Variants in KCNQ3 observed in about 807,000 individuals in gnomAD.
The protein encoded by KCNQ3 is potassium voltage-gated channel subfamily Q member 3.
Under a neutral mutation model 92.5 loss-of-function variants are expected in KCNQ3, and 30 were observed. The ratio of observed to expected loss-of-function variants is 0.32; its 90% CI spans 0.24 to 0.44. The LOEUF is 0.44. KCNQ3 is among the 20% of genes least tolerant of loss of function. The pLI is 1.00. For missense variants in KCNQ3, 913 were observed against 1,140.3 expected (o/e 0.80, Z 2.87); for synonymous variants, 450 against 468.8 (o/e 0.96, Z 0.52).
At chr8:132,333,329 A>C (rs1387089845) in intron 1 of KCNQ3, among the ~76,000 whole-genome samples, 1 of 152,192 alleles carries the variant, frequency 6.6e-6, no homozygotes, top group East Asian at 1.9e-4. Context: ...AGAGAAAATG[A>C]GCCTAGGTTA....
At chr8:132,418,947 T>C (rs949735490) in intron 1 of KCNQ3, among the ~76,000 whole-genome samples, 3 of 152,168 alleles carry the variant, frequency 2.0e-5, no homozygotes, top group Non-Finnish European at 2.9e-5. Context: ...CCATGTGACG[T>C]AAAGCAAGTC....
At chr8:132,440,383 G>A (rs560526603) in intron 1 of KCNQ3, among the ~76,000 whole-genome samples, 11 of 152,186 alleles carry the variant, frequency 7.2e-5, no homozygotes, top group South Asian at 4.2e-4. Flanking sequence ...AGTATCAGGC[G>A]TCCCCTCATT....
At chr8:132,419,420 C>G (rs1474348278) in intron 1 of KCNQ3, among the ~76,000 whole-genome samples, 2 of 152,212 alleles carry the variant, frequency 1.3e-5, no homozygotes, top group African/African-American at 4.8e-5. Context: ...CATTATCTCC[C>G]TCTGTCTTAC....
intron 1 of KCNQ3, among the ~76,000 whole-genome samples, chr8:132,288,017 G>A (rs893877100): frequency 6.6e-6 from 1 of 152,150 alleles, no homozygotes; most frequent in African/African-American, 2.4e-5. Context: ...GTGAGCTCTA[G>A]AAACCATGAT....
At chr8:132,240,182 CTT>C (rs11342824) in intron 1 of KCNQ3, among the ~76,000 whole-genome samples, 1,393 of 111,800 alleles carry the variant, frequency 0.012, 15 homozygotes, top group African/African-American at 0.042. Flanking sequence ...TGCCATGATT[CTT>C]TTTTTTTTTT....
intron 1 of KCNQ3, among the ~76,000 whole-genome samples, chr8:132,412,614 CT>C (rs1288444946): frequency 6.6e-6 from 1 of 152,154 alleles, no homozygotes; most frequent in Non-Finnish European, 1.5e-5. Flanking sequence ...AGCCCTCAGC[CT>C]AAGCAATGGT....
At chr8:132,189,015 TA>T (rs901460432) in intron 1 of KCNQ3, among the ~76,000 whole-genome samples, 1 of 152,182 alleles carries the variant, frequency 6.6e-6, no homozygotes, top group African/African-American at 2.4e-5. Context: ...TGATTTTTCT[TA>T]ACAAGGGATG....
At chr8:132,256,805 AAAAC>A (rs760588208) in intron 1 of KCNQ3, among the ~76,000 whole-genome samples, 1 of 152,204 alleles carries the variant, frequency 6.6e-6, no homozygotes, top group Non-Finnish European at 1.5e-5. Context: ...ATTTAAAAAC[AAAAC>A]AAACAAACAA....
chr8:132,302,822 T>C (rs966529372), intron 1 of KCNQ3, among the ~76,000 whole-genome samples: 2 of 152,224 alleles, frequency 1.3e-5, no homozygotes, highest in Non-Finnish European at 1.5e-5. Flanking sequence ...CCTCTCAGCA[T>C]GGTGGTCCTT....
intron 9 of KCNQ3, among the ~76,000 whole-genome samples, chr8:132,157,734 A>G (rs182257668): frequency 3.5e-4 from 53 of 152,194 alleles, no homozygotes; most frequent in South Asian, 2.3e-3. Context: ...ATAGGTATAC[A>G]TGTGCCATGG....
chr8:132,322,585 A>T (rs1434377802), intron 1 of KCNQ3, among the ~76,000 whole-genome samples: 1 of 152,198 alleles, frequency 6.6e-6, no homozygotes, highest in Non-Finnish European at 1.5e-5. Flanking sequence ...TTTAAATCTC[A>T]AAGATAGAGT....
intron 1 of KCNQ3, among the ~76,000 whole-genome samples, chr8:132,324,428 G>C (rs1442607391): frequency 6.6e-6 from 1 of 152,124 alleles, no homozygotes; most frequent in Non-Finnish European, 1.5e-5. Flanking sequence ...GAAGAAATGT[G>C]TGAATAAACA....
chr8:132,161,515 T>C (rs1825988645), intron 9 of KCNQ3, among the ~76,000 whole-genome samples: 2 of 151,876 alleles, frequency 1.3e-5, no homozygotes, highest in Admixed American at 1.3e-4. Context: ...GCCTATCATT[T>C]CATCTACTTG....
intron 1 of KCNQ3, among the ~76,000 whole-genome samples, chr8:132,295,897 G>A (rs1817006440): frequency 1.3e-5 from 2 of 152,134 alleles, no homozygotes; most frequent in African/African-American, 4.8e-5. Flanking sequence ...GGTGGGAAGG[G>A]AGAGCATCAG....
chr8:132,141,084 G>T (rs761000721), intron 10 of KCNQ3, 45 bp downstream of exon 10: 4 of 1,555,178 alleles, frequency 2.6e-6, no homozygotes, highest in Non-Finnish European at 3.6e-6. Flanking sequence ...GGACTTGGGG[G>T]AGGAAGAAGT....
intron 1 of KCNQ3, among the ~76,000 whole-genome samples, chr8:132,414,893 C>T (rs183883797): frequency 4.6e-5 from 7 of 152,272 alleles, no homozygotes; most frequent in East Asian, 1.9e-4. Context: ...AAATAATGAA[C>T]GAGGAACAGT....
chr8:132,384,223 C>T (rs1027210993), intron 1 of KCNQ3, among the ~76,000 whole-genome samples: 3 of 152,270 alleles, frequency 2.0e-5, no homozygotes, highest in Admixed American at 6.5e-5. Context: ...TCCCTTGTCC[C>T]GGTGAGCTGC....
At chr8:132,415,461 C>T (rs1431733330) in intron 1 of KCNQ3, among the ~76,000 whole-genome samples, 5 of 152,198 alleles carry the variant, frequency 3.3e-5, no homozygotes, top group Non-Finnish European at 7.3e-5. Flanking sequence ...GCCAAGTCAC[C>T]CACCTCTGGA....
intron 1 of KCNQ3, among the ~76,000 whole-genome samples, chr8:132,275,204 G>A (rs1816284879): frequency 6.6e-6 from 1 of 151,946 alleles, no homozygotes; most frequent in African/African-American, 2.4e-5. Context: ...ACAGATAGTA[G>A]TCACTCAATA....
Sources: gnomAD v4.1 joint callset for allele counts (sites outside exome capture counted in the v4.1 genomes callset) on GRCh38, gnomAD v4.1.1 for gene constraint, MANE v1.5 for transcripts, NCBI Gene and HGNC (gene_info 2026-07-23, HGNC 2026-07-21) for gene names.